Variants in CSMD1 observed in about 807,000 individuals in gnomAD.
The protein encoded by CSMD1 is CUB and Sushi multiple domains 1.
Under a neutral mutation model 417.5 loss-of-function variants are expected in CSMD1, and 213 were observed. The observed-to-expected ratio is 0.51, with a 90% confidence interval of 0.46 to 0.57. The LOEUF (loss-of-function observed/expected upper bound fraction) is 0.57. CSMD1 is among the 20% of genes least tolerant of loss of function. The pLI, the probability that CSMD1 is intolerant of heterozygous loss-of-function variation, is 0.00. For synonymous variants in CSMD1, 2,862 were observed against 1,736.8 expected, an observed-to-expected ratio of 1.65 and a Z score of -16.11; for missense variants, 6,923 against 4,529.7, an observed-to-expected ratio of 1.53 and a Z score of -15.17.
rs372594447 is a variant in CSMD1 at position 4,297,629 on chromosome 8, C to A, written c.415+122324G>T. On this transcript the variant is annotated intron_variant, in intron 3 of 69. Coordinates refer to ENST00000635120, the MANE Select transcript of CSMD1 (RefSeq NM_033225.6). ...TAAGATAGCCTGAAATTGAACTTGA[C>A]CTTTCAAAAGTTCACACTAGGGTTT... Among the ~76,000 whole-genome samples, 8 of 152,216 alleles carry A rather than the reference C, an allele frequency of 5.3e-5. No homozygotes were observed. In the South Asian group the frequency reaches 1.5e-3, roughly 28 times the overall value.
chr8:3,269,139 A>T (rs543788137), intron 26 of CSMD1, among the ~76,000 whole-genome samples: 10 of 152,360 alleles, frequency 6.6e-5, no homozygotes, highest in Middle Eastern at 6.8e-3. Flanking sequence ...TCTTACTTTC[A>T]ATCAATTCAA....
Position 3,753,958 on chromosome 8 carries a change from T to A in CSMD1, c.903A>T (p.Arg301=), listed in dbSNP as rs1236452213. The A allele has an allele frequency of 6.2e-7, 1 of 1,612,746 alleles. No homozygotes were observed. The highest frequency in any genetic ancestry group is 2.2e-5 in the East Asian group (1 of 44,838). The part of the protein sequence containing the change: ...RLHFTSDSNH[R]RKGFNAQFQV... ...GGAACTGAGCGTTAAATCCTTTGCG[T>A]CGGTGGTTGCTGTCAGAGGTGAAAT... The change falls in exon 6 of 70, where the codon CGA becomes CGT. Residue 301 remains arginine (R), a synonymous_variant. Coordinates refer to ENST00000635120, the MANE Select transcript of CSMD1 (RefSeq NM_033225.6).
chr8:3,639,195 G>C (rs375243483), intron 7 of CSMD1, among the ~76,000 whole-genome samples: 2 of 152,232 alleles, frequency 1.3e-5, no homozygotes, highest in East Asian at 1.9e-4. Flanking sequence ...AAGTCAGAAA[G>C]TAAAGACACA....
chr8:4,340,329 C>T lies in CSMD1; in HGVS notation c.415+79624G>A, dbSNP rs537505166. 8.5e-5 allele frequency among the ~76,000 whole-genome samples: 13 copies of T among 152,104 alleles called. 1 individual carries two copies. The South Asian group carries it at 2.1e-3, about 24-fold the overall frequency. ...ATCTCCATCCAAACCCTTACATTGG[C>T]TGGGATGAGGTTTGAGGGGCTGCTA... is the stretch of plus-strand genomic sequence containing the variant. On this transcript the variant is annotated intron_variant, in intron 3 of 69. Transcript: ENST00000635120.
chr8:3,395,314 C>T (rs564595465), intron 17 of CSMD1, among the ~76,000 whole-genome samples: 20 of 152,086 alleles, frequency 1.3e-4, no homozygotes, highest in Admixed American at 3.3e-4. Flanking sequence ...CACTTTTTCT[C>T]GCTTTTTCCG....
At chr8:4,226,209 T>C (rs533262804) in intron 3 of CSMD1, among the ~76,000 whole-genome samples, 23 of 152,126 alleles carry the variant, frequency 1.5e-4, no homozygotes, top group African/African-American at 5.5e-4. Context: ...TAACCACTCT[T>C]TACCTTGAAA....
chr8:4,685,407 C>A (rs1287476851), intron 1 of CSMD1, among the ~76,000 whole-genome samples: 1 of 151,826 alleles, frequency 6.6e-6, no homozygotes, highest in East Asian at 1.9e-4. Flanking sequence ...AACCCCATCT[C>A]TACTAAAAAT....
chr8:3,719,627 G>A (rs1001663038), intron 6 of CSMD1, among the ~76,000 whole-genome samples: 3 of 152,250 alleles, frequency 2.0e-5, no homozygotes, highest in South Asian at 4.1e-4. Context: ...TATGCACAGA[G>A]GAAAGTGCAC....
At chr8:3,294,919 G>T (rs989508541) in intron 25 of CSMD1, among the ~76,000 whole-genome samples, 1 of 152,050 alleles carries the variant, frequency 6.6e-6, no homozygotes, top group South Asian at 2.1e-4. Flanking sequence ...CGTCATTCAT[G>T]CTGGGAGCTG....
At chr8:4,604,174 C>T (rs1416651033) in intron 2 of CSMD1, among the ~76,000 whole-genome samples, 1 of 151,976 alleles carries the variant, frequency 6.6e-6, no homozygotes, top group Non-Finnish European at 1.5e-5. Flanking sequence ...ATTCCAAAGT[C>T]CTCACATAAT....
chr8:3,445,096 G>GA (rs761861114), intron 12 of CSMD1, among the ~76,000 whole-genome samples: 14 of 152,092 alleles, frequency 9.2e-5, no homozygotes, highest in African/African-American at 3.1e-4. Context: ...CAGGGAAAAA[G>GA]AAAAACAGAA....
At chr8:4,004,042 G>A (rs888720142) in intron 4 of CSMD1, among the ~76,000 whole-genome samples, 3 of 151,928 alleles carry the variant, frequency 2.0e-5, no homozygotes, top group African/African-American at 4.8e-5. Context: ...ATACTCTATA[G>A]TAAAACAGAA....
intron 11 of CSMD1, among the ~76,000 whole-genome samples, chr8:3,469,389 T>G (rs748988324): frequency 6.6e-6 from 1 of 152,192 alleles, no homozygotes; most frequent in South Asian, 2.1e-4. Flanking sequence ...AAGAACAACA[T>G]GCATAGCTGA....
intron 50 of CSMD1, among the ~76,000 whole-genome samples, chr8:3,036,846 T>C (rs746206397): frequency 1.4e-4 from 22 of 152,290 alleles, no homozygotes; most frequent in Admixed American, 4.6e-4. Flanking sequence ...AATAGCTTTT[T>C]GGGGTACAAG....
At chr8:4,726,055 G>T (rs1032699710) in intron 1 of CSMD1, among the ~76,000 whole-genome samples, 3 of 152,118 alleles carry the variant, frequency 2.0e-5, no homozygotes, top group African/African-American at 2.4e-5. Flanking sequence ...TCACATCGTG[G>T]ACAGTTCAAG....
chr8:3,345,311 A>G (rs369847684), intron 22 of CSMD1, among the ~76,000 whole-genome samples: 1 of 152,180 alleles, frequency 6.6e-6, no homozygotes, highest in Non-Finnish European at 1.5e-5. Flanking sequence ...ACAGCTCAAA[A>G]GCTGAATCGT....
intron 3 of CSMD1, among the ~76,000 whole-genome samples, chr8:4,390,491 G>T (rs1399878991): frequency 1.1e-4 from 4 of 37,488 alleles, no homozygotes; most frequent in Non-Finnish European, 2.1e-4. Flanking sequence ...CCACAGAAGC[G>T]TCCATTTTTA....
intron 2 of CSMD1, among the ~76,000 whole-genome samples, chr8:4,441,095 G>GTTTTTTGTTTTTTTTTTTTT (rs1554478144): frequency 1.9e-5 from 1 of 51,296 alleles, no homozygotes; most frequent in African/African-American, 6.7e-5. Context: ...TAATCAAAAG[G>GTTTTTTGTTTTTTTTTTTTT]TTTTTTTTTT....
chr8:3,330,968 G>C (rs1010365248), intron 23 of CSMD1, among the ~76,000 whole-genome samples: 1 of 152,062 alleles, frequency 6.6e-6, no homozygotes, highest in Non-Finnish European at 1.5e-5. Flanking sequence ...AAAAGCAACA[G>C]TGCCGGGCGC....
Sources: gnomAD v4.1 joint callset for allele counts (sites outside exome capture counted in the v4.1 genomes callset) on GRCh38, gnomAD v4.1.1 for gene constraint, MANE v1.5 for transcripts, NCBI Gene and HGNC (gene_info 2026-07-23, HGNC 2026-07-21) for gene names.